The following IGF2BP2 variants were observed in gnomAD, a reference collection of about 807,000 sequenced individuals.
IGF2BP2 encodes insulin like growth factor 2 mRNA binding protein 2, also known as insulin-like growth factor 2 mRNA-binding protein 2.
A neutral mutation model predicts 75.8 loss-of-function variants in IGF2BP2; 17 were observed. That is an observed-to-expected ratio of 0.22 (90% CI 0.15 to 0.34). The LOEUF (loss-of-function observed/expected upper bound fraction) is 0.34, where lower values mean the gene tolerates loss of function less well. Ranked by LOEUF, IGF2BP2 falls within the 10% of genes least tolerant of loss-of-function variation. The probability of loss-of-function intolerance (pLI) is 1.00; values close to 1 mark genes in which losing one functional copy is unlikely to be tolerated. For synonymous variants in IGF2BP2, 288 were observed against 295.6 expected (o/e 0.97, Z 0.26); for missense variants, 516 against 772.4 (o/e 0.67, Z 3.93).
At position 185,687,058 on chromosome 3, in the gene IGF2BP2, G is replaced by C; in HGVS notation, c.811C>G (p.Leu271Val). ...TCTGGGCATTGCATGCAAACTTACA[G>C]TTTGGTCTCATCTGCCTCTTTCTGC... The part of the protein sequence containing the change: ...IMQKEADETK[L>V]AEEIPLKILA... The change falls in exon 7 of 16, where the codon CTA (leucine) becomes GTA (valine). Residue 271 changes from leucine to valine, a missense_variant and splice_region_variant. Physicochemically the swap from Leu to Val is conservative, Grantham distance 32. Transcript: ENST00000382199. 6.2e-7 allele frequency: 1 copy of C among 1,612,264 alleles called. No homozygotes were observed. Among genetic ancestry groups the C allele is most frequent in the Admixed American group, 1.7e-5 (1 of 59,760 alleles).
At chr3:185,726,595 T>G (rs1407433174) in intron 2 of IGF2BP2, among the ~76,000 whole-genome samples, 1 of 152,236 alleles carries the variant, frequency 6.6e-6, no homozygotes, top group Non-Finnish European at 1.5e-5. Context: ...TACCTATCTT[T>G]CAGCCTTCAG....
At chr3:185,735,060 A>G (rs1728679251) in intron 2 of IGF2BP2, among the ~76,000 whole-genome samples, 1 of 152,238 alleles carries the variant, frequency 6.6e-6, no homozygotes, top group Admixed American at 6.5e-5. Flanking sequence ...AATGTTACAG[A>G]CTAAAGAAAA....
intron 12 of IGF2BP2, among the ~76,000 whole-genome samples, chr3:185,656,742 T>C (rs1715499457): frequency 6.6e-6 from 1 of 152,258 alleles, no homozygotes; most frequent in Admixed American, 6.5e-5. Context: ...GGCCTGGAGC[T>C]GCAGCCACGT....
chr3:185,796,019 A>G (rs1006979333), intron 2 of IGF2BP2, among the ~76,000 whole-genome samples: 1 of 152,258 alleles, frequency 6.6e-6, no homozygotes, highest in Non-Finnish European at 1.5e-5. Context: ...AGCACTGAGG[A>G]GGATAACTTT....
chr3:185,716,872 T>G (rs17289925), intron 2 of IGF2BP2: 4 of 482,652 alleles, frequency 8.3e-6, no homozygotes, highest in African/African-American at 2.0e-5. Context: ...CCTGGTGGCT[T>G]GTTCGTGGAA....
intron 2 of IGF2BP2, among the ~76,000 whole-genome samples, chr3:185,816,352 A>G (rs905304269): frequency 6.6e-6 from 1 of 152,234 alleles, no homozygotes; most frequent in African/African-American, 2.4e-5. Context: ...GAAGACGTGC[A>G]ATGCTACCTT....
chr3:185,649,063 G>C (rs556834931), intron 14 of IGF2BP2, among the ~76,000 whole-genome samples: 2 of 152,140 alleles, frequency 1.3e-5, no homozygotes, highest in East Asian at 3.9e-4. Context: ...GGGTATAAAG[G>C]GGGCAGAAGA....
chr3:185,674,088 A>G (rs1718927023), intron 9 of IGF2BP2, among the ~76,000 whole-genome samples: 1 of 152,150 alleles, frequency 6.6e-6, no homozygotes, highest in African/African-American at 2.4e-5. Context: ...TCGGGGTGAG[A>G]TGGGGACAGA....
chr3:185,760,620 G>C (rs1732235966), intron 2 of IGF2BP2, among the ~76,000 whole-genome samples: 1 of 152,132 alleles, frequency 6.6e-6, no homozygotes, highest in Admixed American at 6.6e-5. Context: ...TGCCTTTCCG[G>C]ACATTCTTAC....
chr3:185,758,413 G>A (rs772296410), intron 2 of IGF2BP2, among the ~76,000 whole-genome samples: 9 of 152,182 alleles, frequency 5.9e-5, no homozygotes, highest in South Asian at 4.2e-4. Context: ...GTGGAGAGAC[G>A]TCTGATCTTG....
At chr3:185,721,920 G>A (rs1040540101) in intron 2 of IGF2BP2, among the ~76,000 whole-genome samples, 1 of 151,910 alleles carries the variant, frequency 6.6e-6, no homozygotes, top group Admixed American at 6.6e-5. Context: ...CTTCTGGGTG[G>A]CAGATATGTC....
chr3:185,690,832 T>G (rs927584985), intron 5 of IGF2BP2, among the ~76,000 whole-genome samples: 3 of 152,242 alleles, frequency 2.0e-5, no homozygotes, highest in Admixed American at 1.3e-4. Context: ...CACTATTATA[T>G]TCTTAAAATG....
intron 2 of IGF2BP2, among the ~76,000 whole-genome samples, chr3:185,759,606 T>C (rs1259887266): frequency 6.6e-6 from 1 of 152,188 alleles, no homozygotes; most frequent in African/African-American, 2.4e-5. Flanking sequence ...CACAGCCCCA[T>C]GCAGCAGTAT....
In IGF2BP2 at chr3:185,665,419, AAGGAGAAGGAGGAGG is replaced by A. The variant is rs1560251179; in HGVS notation, c.1201-7025_1201-7011del. The stretch of plus-strand genomic sequence containing the variant: ...GGAGGAGGAGAAGGAAAAGGAGGAG[AAGGAGAAGGAGGAGG>A]AGGAGAAGGAGGAGGAGGAGGAGAA... On this transcript the variant is annotated intron_variant, in intron 10 of 15. Coordinates refer to ENST00000382199, the MANE Select transcript of IGF2BP2 (RefSeq NM_006548.6). Among the ~76,000 whole-genome samples, 11 of 50,586 alleles carry A rather than the reference AAGGAGAAGGAGGAGG, an allele frequency of 2.2e-4. 1 individual carries two copies. The highest frequency in any genetic ancestry group is 7.0e-4 in the African/African-American group (9 of 12,782). 33.2% of individuals were successfully genotyped at this position (50,586 alleles called of 152,430 possible). A position where few individuals can be genotyped will look rare whatever the true frequency, so the allele number is the denominator to read the frequency against.
intron 9 of IGF2BP2, among the ~76,000 whole-genome samples, chr3:185,673,302 T>C (rs1401821083): frequency 6.6e-6 from 1 of 152,228 alleles, no homozygotes; most frequent in Non-Finnish European, 1.5e-5. Flanking sequence ...GCCTGGTATA[T>C]AGTAAGTACT....
At chr3:185,651,130 C>CA (rs1418771909) in intron 13 of IGF2BP2, among the ~76,000 whole-genome samples, 1 of 152,148 alleles carries the variant, frequency 6.6e-6, no homozygotes, top group Non-Finnish European at 1.5e-5. Flanking sequence ...AGGCTGGTCT[C>CA]AAACTCCTGG....
At chr3:185,710,392 G>A (rs1317514681) in intron 2 of IGF2BP2, among the ~76,000 whole-genome samples, 1 of 152,066 alleles carries the variant, frequency 6.6e-6, no homozygotes, top group Non-Finnish European at 1.5e-5. Flanking sequence ...TCTGCCCCTT[G>A]GCCCCTGAAG....
intron 2 of IGF2BP2, among the ~76,000 whole-genome samples, chr3:185,761,685 C>G (rs1039317418): frequency 6.6e-6 from 1 of 152,176 alleles, no homozygotes. Flanking sequence ...TCCTGCACCC[C>G]GGAATGCAAT....
At chr3:185,675,180 C>A (rs1719139273) in intron 9 of IGF2BP2, 116 bp downstream of exon 9, 1 of 998,072 alleles carries the variant, frequency 1.0e-6, no homozygotes, top group African/African-American at 1.7e-5. Flanking sequence ...ATGCTTTTAT[C>A]CTAGGAAGTC....
Sources: allele counts gnomAD v4.1 joint callset (sites outside exome capture counted in the v4.1 genomes callset), GRCh38; gene constraint gnomAD v4.1.1; transcripts MANE v1.5; gene names NCBI Gene and HGNC (gene_info 2026-07-23, HGNC 2026-07-21).